Variants in PACS2 observed in about 807,000 individuals in gnomAD.
The protein encoded by PACS2 is PACS1-like protein.
PACS2 carries 36 observed loss-of-function variants against 113.0 expected under a neutral mutation model. The observed-to-expected ratio is 0.32, with a 90% CI of 0.24 to 0.42. PACS2 has a LOEUF of 0.42. Ranked by LOEUF, PACS2 falls within the 10% of genes least tolerant of loss-of-function variation. The pLI is 1.00. For synonymous variants in PACS2, 589 were observed against 536.1 expected (o/e 1.10, Z -1.36); for missense variants, 1,015 against 1,239.5 (o/e 0.82, Z 2.72).
chr14:105,394,494 G>A (rs1487220349), intron 24 of PACS2, 60 bp from the exon 25 acceptor site: 2 of 1,598,766 alleles, frequency 1.3e-6, no homozygotes, highest in Admixed American at 1.7e-5. Context: ...CAGGCAGGCA[G>A]GTGGATAGGG....
intron 1 of PACS2, among the ~76,000 whole-genome samples, chr14:105,301,585 C>T (rs1280137916): frequency 6.6e-6 from 1 of 152,204 alleles, no homozygotes; most frequent in Non-Finnish European, 1.5e-5. Context: ...CCCTGCCCCG[C>T]CCTCCGCATT....
chr14:105,339,500 C>CT (rs2059643994), intron 1 of PACS2, among the ~76,000 whole-genome samples: 1 of 139,048 alleles, frequency 7.2e-6, no homozygotes, highest in South Asian at 2.2e-4. Flanking sequence ...GAGCAAAACT[C>CT]TGTCTCTATA....
rs377219746 is a variant in PACS2 at position 105,345,243 on chromosome 14, T to C, written c.120-3250T>C. Among the ~76,000 whole-genome samples the C allele has an allele frequency of 2.2e-4, 33 of 151,304 alleles. No individual in the cohort carries two copies. In the East Asian group the frequency reaches 4.1e-3, roughly 19 times the overall value. ...TAACACGGTGAAACCCCGTCTCCAC[T>C]AAAAATACAAAAAATTAGCTGGGTG... On this transcript the variant is annotated intron_variant, in intron 1 of 24. Transcript: ENST00000447393.
intron 4 of PACS2, among the ~76,000 whole-genome samples, chr14:105,361,638 A>AAAAC (rs781967804): frequency 6.6e-6 from 1 of 151,122 alleles, no homozygotes; most frequent in Non-Finnish European, 1.5e-5. Context: ...ACTCCGTCTC[A>AAAAC]AAACAAACAA....
intron 1 of PACS2, among the ~76,000 whole-genome samples, chr14:105,339,691 G>T (rs2059653807): frequency 6.8e-6 from 1 of 146,890 alleles, no homozygotes; most frequent in Non-Finnish European, 1.5e-5. Flanking sequence ...GCAAGATTCT[G>T]TCTCTATTAA....
intron 1 of PACS2, among the ~76,000 whole-genome samples, chr14:105,321,326 T>C (rs1431860634): frequency 1.4e-5 from 2 of 145,630 alleles, no homozygotes; most frequent in Non-Finnish European, 2.9e-5. Context: ...GAGAATAGAT[T>C]GGTCCGGGTT....
chr14:105,331,735 G>A (rs1017600004), intron 1 of PACS2, among the ~76,000 whole-genome samples: 9 of 152,236 alleles, frequency 5.9e-5, no homozygotes, highest in African/African-American at 2.2e-4. Flanking sequence ...AGGAGAAACA[G>A]CAATGCCTTT....
intron 1 of PACS2, among the ~76,000 whole-genome samples, chr14:105,304,604 G>A (rs2058127815): frequency 6.6e-6 from 1 of 152,258 alleles, no homozygotes; most frequent in Non-Finnish European, 1.5e-5. Context: ...TGCAGAGGAG[G>A]GGTGCTATGG....
chr14:105,326,010 T>C (rs1014375781), intron 1 of PACS2, among the ~76,000 whole-genome samples: 1 of 152,254 alleles, frequency 6.6e-6, no homozygotes, highest in Admixed American at 6.5e-5. Flanking sequence ...TGAGTCTCAT[T>C]TCCCAGTGTA....
chr14:105,305,126 C>T (rs1248705645), intron 1 of PACS2, among the ~76,000 whole-genome samples: 4 of 152,236 alleles, frequency 2.6e-5, no homozygotes, highest in African/African-American at 9.6e-5. Context: ...GCTGGCTGGG[C>T]ACAGTGGCTC....
intron 4 of PACS2, among the ~76,000 whole-genome samples, chr14:105,362,625 T>TG (rs1171643613): frequency 2.5e-4 from 38 of 151,916 alleles, no homozygotes; most frequent in Admixed American, 1.5e-3. Context: ...TCAAGGCAGG[T>TG]GGATCATCTG....
chr14:105,376,852 G>C lies in PACS2; in HGVS notation c.886G>C (p.Glu296Gln), dbSNP rs1490343454. ...CCTCCTGTATGACACCCTGGACATGGAGCACCCCAGCGACAGCGGCCCCGA... is the reference window on the plus strand; with the variant it reads ...CCTCCTGTATGACACCCTGGACATGCAGCACCCCAGCGACAGCGGCCCCGA... ...LDLLYDTLDMEHPSDSGPDME... is the reference protein window; with the variant it reads ...LDLLYDTLDMQHPSDSGPDME... The change falls in exon 9 of 25, where the codon GAG becomes CAG. Residue 296 changes from glutamate to glutamine, a missense_variant. By Grantham distance (29) the Glu-to-Gln change is conservative. This residue lies in a region of PACS2 where 859 missense variants were observed against 1,056.8 expected (regional missense o/e 0.81). Transcript: ENST00000447393. The surrounding 1 kb of genome is among the most constrained non-coding windows in gnomAD (Gnocchi z 4.7). 5 of 1,613,220 alleles carry C rather than the reference G, an allele frequency of 3.1e-6. No individual in the cohort carries two copies. The highest frequency in any genetic ancestry group is 2.2e-5 in the South Asian group (2 of 91,082).
chr14:105,368,755 G>A (rs1192337866), intron 7 of PACS2, among the ~76,000 whole-genome samples: 2 of 152,218 alleles, frequency 1.3e-5, no homozygotes, highest in South Asian at 2.1e-4. Context: ...TTGTGTGGCC[G>A]CTAGGCTCAG....
At chr14:105,364,361 G>A (rs1223217282) in intron 4 of PACS2, among the ~76,000 whole-genome samples, 1 of 142,498 alleles carries the variant, frequency 7.0e-6, no homozygotes, top group Non-Finnish European at 1.5e-5. Flanking sequence ...GGTGTCCCGG[G>A]TGCACGGTGG....
In PACS2 at chr14:105,376,952, G is replaced by C. The variant is rs2080804451; in HGVS notation, c.959+27G>C. 6.4e-7 allele frequency: 1 copy of C among 1,562,222 alleles called. No homozygotes were observed. Among genetic ancestry groups the C allele is most frequent in the East Asian group, 2.3e-5 (1 of 43,292 alleles). Reference sequence around the variant, plus strand: ...TGAGCCCTACAGGGCGGGGCGGGGAGGAACAGCCATTTCAGATGCCCCGGC... The same window carrying C: ...TGAGCCCTACAGGGCGGGGCGGGGACGAACAGCCATTTCAGATGCCCCGGC... On this transcript the variant is annotated intron_variant, in intron 9 of 24. Transcript: ENST00000447393. This position sits in a 1 kb window ranked among gnomAD's most constrained non-coding sequence, Gnocchi z 4.7.
At chr14:105,342,586 AGTTG>A (rs1221591343) in intron 1 of PACS2, among the ~76,000 whole-genome samples, 2 of 151,746 alleles carry the variant, frequency 1.3e-5, no homozygotes, top group East Asian at 2.0e-4. Context: ...TCTTGTTTGC[AGTTG>A]GTTGGTGTGT....
chr14:105,364,704 T>C (rs1266674878), intron 4 of PACS2, among the ~76,000 whole-genome samples: 1 of 148,614 alleles, frequency 6.7e-6, no homozygotes, highest in African/African-American at 2.5e-5. Context: ...TCTTTTTTTT[T>C]TTTTTTTTTT....
intron 21 of PACS2, 96 bp downstream of exon 21, chr14:105,391,345 G>C: frequency 1.0e-6 from 1 of 958,884 alleles, no homozygotes; most frequent in Non-Finnish European, 1.7e-6. Context: ...AACCTTTCAG[G>C]GCCTGAGAGC....
rs1380060665 is a variant in PACS2, at chr14:105,357,045, C to G, written c.423+1868C>G. On this transcript the variant is annotated intron_variant, in intron 4 of 24. Coordinates refer to ENST00000447393, the MANE Select transcript of PACS2 (RefSeq NM_001100913.3). This position sits in a 1 kb window ranked among gnomAD's most constrained non-coding sequence, Gnocchi z 5.1. ...CAGGTGATGTCCTGCTGATCCCTGCCGGTCCCTGTGAGCTCCTGCCCCAGG... is the reference window on the plus strand; with the variant it reads ...CAGGTGATGTCCTGCTGATCCCTGCGGGTCCCTGTGAGCTCCTGCCCCAGG... Among the ~76,000 whole-genome samples the G allele has an allele frequency of 1.3e-5, 2 of 152,162 alleles. No homozygotes were observed. The highest frequency in any genetic ancestry group is 2.1e-4 in the South Asian group (1 of 4,826).
Sources: allele counts gnomAD v4.1 joint callset (sites outside exome capture counted in the v4.1 genomes callset), GRCh38; gene constraint gnomAD v4.1.1; regional missense constraint gnomAD v4.1.1; non-coding constraint Gnocchi (gnomAD v3.1); transcripts MANE v1.5; gene names NCBI Gene and HGNC (gene_info 2026-07-23, HGNC 2026-07-21).